The following CACNA2D3 variants were observed in gnomAD, a reference collection of about 807,000 sequenced individuals.
CACNA2D3 encodes calcium voltage-gated channel auxiliary subunit alpha2delta 3.
In CACNA2D3, 60 loss-of-function variants were observed where a neutral mutation model predicts 160.6. The observed-to-expected ratio is 0.37, with a 90% confidence interval of 0.30 to 0.46. The LOEUF (loss-of-function observed/expected upper bound fraction) is 0.46. Ranked by LOEUF, CACNA2D3 falls within the 20% of genes least tolerant of loss-of-function variation. The probability of loss-of-function intolerance (pLI) is 1.00; values close to 1 mark genes in which losing one functional copy is unlikely to be tolerated. For synonymous variants in CACNA2D3, 558 were observed against 492.9 expected (o/e 1.13, Z -1.75); for missense variants, 1,205 against 1,365.0 (o/e 0.88, Z 1.85).
At position 54,822,790 on chromosome 3, in the gene CACNA2D3, C is replaced by CTTTTCTTT. The variant is rs1491160047; in HGVS notation, c.1398+5920_1398+5921insTTTTCTTT. Reference sequence around the variant, plus strand: ...TCTTTCTTTCTTTCTTTCTTTCTTTCCTTTCTTTCTTTCTTTCTTTCTTTC... The same window carrying CTTTTCTTT: ...TCTTTCTTTCTTTCTTTCTTTCTTTCTTTTCTTTCTTTCTTTCTTTCTTTCTTTCTTTC... On this transcript the variant is annotated intron_variant, in intron 14 of 37. Coordinates refer to ENST00000474759, the MANE Select transcript of CACNA2D3 (RefSeq NM_018398.3). Among the ~76,000 whole-genome samples, 71 of 71,960 alleles carry CTTTTCTTT rather than the reference C, an allele frequency of 9.9e-4. 2 individuals are homozygous for CTTTTCTTT. Among genetic ancestry groups the CTTTTCTTT allele is most frequent in the African/African-American group, 3.1e-3 (53 of 17,276 alleles). The allele number at this position is 71,960 out of a possible 152,430, so 47.2% of individuals were successfully genotyped here. A position where few individuals can be genotyped will look rare whatever the true frequency, so the allele number is the denominator to read the frequency against.
In CACNA2D3 at chr3:54,779,233, G is replaced by A. The variant is rs563137929; in HGVS notation, c.1380+14882G>A. ...CTGCCTCAGCCTCCCAAGTAGTTGGGACTACAAGGTGTGTGCCACTACGCC... is the reference window on the plus strand; with the variant it reads ...CTGCCTCAGCCTCCCAAGTAGTTGGAACTACAAGGTGTGTGCCACTACGCC... On this transcript the variant is annotated intron_variant, in intron 13 of 37. Coordinates refer to ENST00000474759, the MANE Select transcript of CACNA2D3 (RefSeq NM_018398.3). Among the ~76,000 whole-genome samples the A allele has an allele frequency of 6.6e-5, 10 of 152,064 alleles. No homozygotes were observed. In the South Asian group the frequency reaches 1.2e-3, roughly 19 times the overall value.
At chr3:54,268,129 G>A (rs1559902195) in intron 2 of CACNA2D3, among the ~76,000 whole-genome samples, 1 of 152,118 alleles carries the variant, frequency 6.6e-6, no homozygotes, top group East Asian at 1.9e-4. Context: ...TCTGAGCTGT[G>A]GCATGGAAAT....
chr3:54,458,794 T>A (rs199651510), intron 4 of CACNA2D3, among the ~76,000 whole-genome samples: 1 of 27,018 alleles, frequency 3.7e-5, no homozygotes, highest in East Asian at 8.2e-4. Flanking sequence ...ATTATACTCT[T>A]AAGTTTTAGG....
chr3:54,488,882 A>C (rs1488332309), intron 4 of CACNA2D3, among the ~76,000 whole-genome samples: 1 of 152,106 alleles, frequency 6.6e-6, no homozygotes, highest in African/African-American at 2.4e-5. Context: ...AGGCTCCAAG[A>C]TCCCCAGTCA....
intron 2 of CACNA2D3, among the ~76,000 whole-genome samples, chr3:54,262,183 G>A (rs1702412990): frequency 1.3e-5 from 2 of 152,188 alleles, no homozygotes; most frequent in Non-Finnish European, 2.9e-5. Context: ...TTTTGCTGAT[G>A]TGTTTGCTTT....
chr3:54,360,997 A>AT (rs1698732302), intron 3 of CACNA2D3, among the ~76,000 whole-genome samples: 1 of 152,138 alleles, frequency 6.6e-6, no homozygotes, highest in African/African-American at 2.4e-5. Context: ...ATTTCAAAAA[A>AT]GAAGAAGACC....
intron 2 of CACNA2D3, among the ~76,000 whole-genome samples, chr3:54,195,130 A>C (rs1410522735): frequency 1.3e-5 from 2 of 152,146 alleles, no homozygotes; most frequent in African/African-American, 4.8e-5. Flanking sequence ...TAATATGCAC[A>C]TTCCAGAGTC....
chr3:54,580,206 G>C (rs1366311983), intron 8 of CACNA2D3, among the ~76,000 whole-genome samples: 1 of 152,000 alleles, frequency 6.6e-6, no homozygotes, highest in African/African-American at 2.4e-5. Context: ...CTAAGATAAC[G>C]TGCAGATGAA....
chr3:54,700,150 A>G (rs1400562081), intron 11 of CACNA2D3, among the ~76,000 whole-genome samples: 1 of 152,220 alleles, frequency 6.6e-6, no homozygotes, highest in Non-Finnish European at 1.5e-5. Context: ...TAAGTGATAG[A>G]TCCAGAATTT....
At chr3:55,043,607 A>G (rs1704008678) in intron 35 of CACNA2D3, among the ~76,000 whole-genome samples, 1 of 152,112 alleles carries the variant, frequency 6.6e-6, no homozygotes, top group South Asian at 2.1e-4. Flanking sequence ...TCATTGTCTT[A>G]ATAGTATCTT....
chr3:54,378,752 G>T (rs906397917), intron 3 of CACNA2D3, among the ~76,000 whole-genome samples: 4 of 152,304 alleles, frequency 2.6e-5, no homozygotes, highest in African/African-American at 9.6e-5. Context: ...CAAATCGAAG[G>T]TTGTCTCTTC....
At position 54,599,615 on chromosome 3, in the gene CACNA2D3, GA is replaced by G. The variant is rs1258310049; in HGVS notation, c.963+17739del. ...AATAACTAATTAATAAGGTGGGGGG[GA>G]GGAAAAAACCTCTGGTAGGCAAAAC... On this transcript the variant is annotated intron_variant, in intron 9 of 37. Coordinates refer to ENST00000474759, the MANE Select transcript of CACNA2D3 (RefSeq NM_018398.3). 5.3e-5 allele frequency among the ~76,000 whole-genome samples: 8 copies of G among 152,148 alleles called. No homozygotes were observed. The East Asian group carries it at 1.6e-3, about 30-fold the overall frequency.
intron 27 of CACNA2D3, among the ~76,000 whole-genome samples, chr3:54,929,338 G>A (rs1203982294): frequency 2.0e-5 from 3 of 152,164 alleles, no homozygotes; most frequent in Non-Finnish European, 2.9e-5. Context: ...TTTGTATGCT[G>A]CCAACTTCTG....
intron 11 of CACNA2D3, among the ~76,000 whole-genome samples, chr3:54,678,774 C>T (rs1216921066): frequency 3.1e-5 from 4 of 127,206 alleles, no homozygotes; most frequent in East Asian, 5.0e-4. Context: ...TAATTAATTG[C>T]ATAAACATTT....
intron 2 of CACNA2D3, among the ~76,000 whole-genome samples, chr3:54,226,158 G>A (rs764763666): frequency 1.1e-4 from 17 of 151,966 alleles, no homozygotes; most frequent in East Asian, 1.9e-4. Context: ...GGTCTGTTTC[G>A]GTTTTCTGCC....
At chr3:54,984,746 T>C (rs1702579759) in intron 30 of CACNA2D3, 76 bp downstream of exon 30, 1 of 867,132 alleles carries the variant, frequency 1.2e-6, no homozygotes, top group Non-Finnish European at 1.8e-6. Flanking sequence ...AATTATGGTG[T>C]TAAAACTTGG....
At chr3:54,834,879 A>G (rs985723269) in intron 14 of CACNA2D3, among the ~76,000 whole-genome samples, 20 of 152,352 alleles carry the variant, frequency 1.3e-4, no homozygotes, top group African/African-American at 4.8e-4. Context: ...GTTTGAAGAC[A>G]GTCTACAGGC....
chr3:54,353,418 T>C (rs996119904), intron 3 of CACNA2D3, among the ~76,000 whole-genome samples: 1 of 152,178 alleles, frequency 6.6e-6, no homozygotes, highest in African/African-American at 2.4e-5. Context: ...AGTGTGGCCC[T>C]GGTTCAGCAG....
At chr3:54,642,011 A>T in intron 10 of CACNA2D3, 117 bp from the exon 11 acceptor site, 1 of 580,266 alleles carries the variant, frequency 1.7e-6, no homozygotes, top group Non-Finnish European at 3.0e-6. Flanking sequence ...TTGGTGGTGG[A>T]CAGTGTGCTG....
Sources: allele counts gnomAD v4.1 joint callset (sites outside exome capture counted in the v4.1 genomes callset), GRCh38; gene constraint gnomAD v4.1.1; transcripts MANE v1.5; gene names NCBI Gene and HGNC (gene_info 2026-07-23, HGNC 2026-07-21).